Variants in MCTP2 observed in about 807,000 individuals in gnomAD.
The protein encoded by MCTP2 is multiple C2 and transmembrane domain-containing protein 2.
Under a neutral mutation model 111.6 loss-of-function variants are expected in MCTP2, and 132 were observed. That is an observed-to-expected ratio of 1.18 (90% confidence interval 1.03 to 1.37). The LOEUF is 1.37. Ranked by LOEUF, MCTP2 falls within the 40% of genes most tolerant of loss-of-function variation. The pLI, the probability that MCTP2 is intolerant of heterozygous loss-of-function variation, is 0.00. For synonymous variants in MCTP2, 395 were observed against 387.7 expected (o/e 1.02, Z -0.22); for missense variants, 1,183 against 1,067.9 (o/e 1.11, Z -1.50).
rs201794185 is a variant in MCTP2 at position 94,243,951 on chromosome 15, GTA to G, written c.-66+12293_-66+12294del. ...CATATGTGTACACATACATATATGT[GTA>G]TATATTTACACACACATATGTATAC... On this transcript the variant is annotated intron_variant, in intron 1 of 22. Transcript: ENST00000357742. 6.3e-3 allele frequency among the ~76,000 whole-genome samples: 898 copies of G among 143,654 alleles called. 10 individuals are homozygous for G. The highest frequency in any genetic ancestry group is 0.022 in the African/African-American group (839 of 38,934). The allele number at this position is 143,654 out of a possible 152,430, so 94.2% of individuals were successfully genotyped here.
intron 1 of MCTP2, among the ~76,000 whole-genome samples, chr15:94,288,140 GT>G (rs1282988522): frequency 6.6e-6 from 1 of 152,140 alleles, no homozygotes; most frequent in Non-Finnish European, 1.5e-5. Flanking sequence ...TGCCAATTGG[GT>G]TTTTTAATTT....
At chr15:94,462,968 T>C (rs926375523) in intron 20 of MCTP2, among the ~76,000 whole-genome samples, 5 of 152,346 alleles carry the variant, frequency 3.3e-5, no homozygotes, top group African/African-American at 1.2e-4. Context: ...CCAGGGAATG[T>C]CCCCTGCCTT....
At chr15:94,415,289 C>T (rs1018692194) in intron 17 of MCTP2, among the ~76,000 whole-genome samples, 2 of 152,082 alleles carry the variant, frequency 1.3e-5, no homozygotes, top group East Asian at 3.9e-4. Context: ...GTTTATCTGT[C>T]TTTCCACTGA....
At chr15:94,359,099 C>T (rs2078782810) in intron 10 of MCTP2, among the ~76,000 whole-genome samples, 1 of 152,098 alleles carries the variant, frequency 6.6e-6, no homozygotes, top group African/African-American at 2.4e-5. Flanking sequence ...GAGACACTCA[C>T]ATGTGTAATG....
intron 19 of MCTP2, among the ~76,000 whole-genome samples, chr15:94,455,746 A>G (rs779051141): frequency 6.6e-6 from 1 of 152,176 alleles, no homozygotes; most frequent in Non-Finnish European, 1.5e-5. Flanking sequence ...TATTAAAAGT[A>G]TAGTCTACAG....
At chr15:94,267,667 A>G (rs2073620020) in intron 1 of MCTP2, among the ~76,000 whole-genome samples, 1 of 152,068 alleles carries the variant, frequency 6.6e-6, no homozygotes, top group South Asian at 2.1e-4. Context: ...GCTGTTTTCC[A>G]AAGTGTCTGT....
chr15:94,268,096 G>C (rs2073675657), intron 1 of MCTP2, among the ~76,000 whole-genome samples: 2 of 151,028 alleles, frequency 1.3e-5, no homozygotes, highest in Non-Finnish European at 2.9e-5. Flanking sequence ...TCAATCTCCT[G>C]ACCTTGTGAT....
chr15:94,476,473 A>G (rs2074358801), intron 21 of MCTP2: 1 of 370,266 alleles, frequency 2.7e-6, no homozygotes, highest in South Asian at 3.3e-5. Context: ...ATGATTCTAC[A>G]TGACAGCAAC....
intron 1 of MCTP2, among the ~76,000 whole-genome samples, chr15:94,251,675 A>T (rs1035187018): frequency 6.6e-6 from 1 of 152,146 alleles, no homozygotes; most frequent in South Asian, 2.1e-4. Context: ...ATCATTTTTA[A>T]GTATACAGTT....
At chr15:94,399,121 G>C in intron 15 of MCTP2, 59 bp downstream of exon 15, 1 of 830,072 alleles carries the variant, frequency 1.2e-6, no homozygotes, top group Admixed American at 2.2e-5. Flanking sequence ...AAGGTGACCA[G>C]CCTTTGGAGG....
chr15:94,402,114 T>C (rs2081627427), intron 17 of MCTP2, 95 bp downstream of exon 17: 26 of 1,472,200 alleles, frequency 1.8e-5, no homozygotes, highest in Non-Finnish European at 2.4e-5. Flanking sequence ...TACGTGGGGG[T>C]TGTCTTTCTA....
Position 94,442,902 on chromosome 15 carries a change from G to C in MCTP2, c.2209-17G>C, listed in dbSNP as rs769777385. On this transcript the variant is annotated splice_polypyrimidine_tract_variant and intron_variant, in intron 18 of 22. Transcript: ENST00000357742. The stretch of plus-strand genomic sequence containing the variant: ...TTTCGGTTGATGTTTCTATAAACAC[G>C]TGGGATTTCCTTTCAGGAGAGCACA... 1 of 1,611,582 alleles carries C rather than the reference G, an allele frequency of 6.2e-7. No homozygotes were observed. Among genetic ancestry groups the C allele is most frequent in the South Asian group, 1.1e-5 (1 of 90,882 alleles).
At chr15:94,457,988 A>G (rs902674771) in intron 19 of MCTP2, 149 bp from the exon 20 acceptor site, 9 of 537,800 alleles carry the variant, frequency 1.7e-5, no homozygotes, top group African/African-American at 5.8e-5. Context: ...CTGGGGGGGG[A>G]GTCAATATTT....
chr15:94,243,830 T>C (rs1174406982), intron 1 of MCTP2, among the ~76,000 whole-genome samples: 1 of 148,162 alleles, frequency 6.7e-6, no homozygotes, highest in Non-Finnish European at 1.5e-5. Context: ...TACACATATG[T>C]ATATATTTAT....
At position 94,401,948 on chromosome 15, in the gene MCTP2, T is replaced by G. The variant is rs769945339; in HGVS notation, c.2014T>G (p.Trp672Gly). Reference protein sequence around the residue: ...DRVKRITMAIWNTMQFLKSCF... With the variant: ...DRVKRITMAIGNTMQFLKSCF... ...TGTGAAAAGAATCACTATGGCAATA[T>G]GGAATACAATGCAGTTCCTTAAAAG... The change falls in exon 17 of 23, where the codon TGG becomes GGG. Residue 672 changes from tryptophan to glycine, a missense_variant. Physicochemically the swap from Trp to Gly is radical, Grantham distance 184 (BLOSUM62 -2). Transcript: ENST00000357742. The G allele has an allele frequency of 3.7e-6, 6 of 1,612,742 alleles. No individual in the cohort carries two copies. The highest frequency in any genetic ancestry group is 1.7e-5 in the Admixed American group (1 of 60,018).
chr15:94,315,624 C>T lies in MCTP2; in HGVS notation c.624C>T (p.Val208=). The change falls in exon 4 of 23, where the codon GTC becomes GTT. Residue 208 remains valine (V), a synonymous_variant. Transcript: ENST00000357742. ...IHLKEGRNLV[V]RDRCGTSDPY... ...TGAAGGAAGGCCGGAACCTGGTTGT[C>T]CGAGATCGCTGTGGTAAGACCTGGG... 1 of 1,613,834 alleles carries T rather than the reference C, an allele frequency of 6.2e-7. No individual in the cohort carries two copies.
chr15:94,350,213 C>T (rs559687103), intron 8 of MCTP2, among the ~76,000 whole-genome samples: 1 of 152,282 alleles, frequency 6.6e-6, no homozygotes, highest in South Asian at 2.1e-4. Context: ...GAGGCCATGG[C>T]TCTGGCTCCT....
chr15:94,398,412 A>G (rs2081386311), intron 14 of MCTP2, among the ~76,000 whole-genome samples: 1 of 152,352 alleles, frequency 6.6e-6, no homozygotes, highest in East Asian at 1.9e-4. Context: ...TTGACGTTAT[A>G]TACTACCATA....
chr15:94,299,946 A>G (rs753594834), intron 2 of MCTP2, among the ~76,000 whole-genome samples: 1 of 152,226 alleles, frequency 6.6e-6, no homozygotes, highest in Non-Finnish European at 1.5e-5. Context: ...ATTACGTTTT[A>G]TAAAACCCAT....
Sources: allele counts gnomAD v4.1 joint callset (sites outside exome capture counted in the v4.1 genomes callset), GRCh38; gene constraint gnomAD v4.1.1; transcripts MANE v1.5; gene names NCBI Gene and HGNC (gene_info 2026-07-23, HGNC 2026-07-21).